Variants in FCSK observed in about 807,000 individuals in gnomAD.
FCSK encodes the protein L-fucose kinase.
In FCSK, 123 loss-of-function variants were observed where a neutral mutation model predicts 122.5. That is an observed-to-expected ratio of 1.00 (90% CI 0.87 to 1.17). The LOEUF is 1.17. Among genes scored for constraint, FCSK ranks in the 50% most tolerant of loss-of-function variants. The pLI is 0.00. For synonymous variants in FCSK, 620 were observed against 625.5 expected, an observed-to-expected ratio of 0.99 and a Z score of 0.13; for missense variants, 1,366 against 1,450.4, an observed-to-expected ratio of 0.94 and a Z score of 0.95.
In FCSK at chr16:70,474,967, G is replaced by A. The variant is rs766961706; in HGVS notation, c.2333G>A (p.Arg778Gln). 20 of 1,610,516 alleles carry A rather than the reference G, an allele frequency of 1.2e-5. No individual in the cohort carries two copies. In the South Asian group the frequency reaches 1.4e-4, roughly 12 times the overall value. Reference protein sequence around the residue: ...QDEMTVKIVCRCLADLRDYCQ... With the variant: ...QDEMTVKIVCQCLADLRDYCQ... ...GAGATGACTGTGAAGATAGTGTGCC[G>A]GTGCCTGGCTGACCTGCGGGACTAC... is the stretch of plus-strand genomic sequence containing the variant. The change falls in exon 18 of 24, where the codon CGG (arginine) becomes CAG (glutamine). Residue 778 changes from arginine to glutamine, a missense_variant. Coordinates refer to ENST00000288078, the MANE Select transcript of FCSK (RefSeq NM_145059.3).
chr16:70,466,881 G>C lies in FCSK; in HGVS notation c.412-1G>C. On this transcript the variant is annotated splice_acceptor_variant, in intron 5 of 23. Coordinates refer to ENST00000288078, the MANE Select transcript of FCSK (RefSeq NM_145059.3). LOFTEE classifies it high-confidence loss of function. Reference sequence around the variant, plus strand: ...TGTGTTCTGTCTCCTTCCCCCCACAGCTGGGCCCGGGCTCCCCGCCAGGCG... The same window carrying C: ...TGTGTTCTGTCTCCTTCCCCCCACACCTGGGCCCGGGCTCCCCGCCAGGCG... The C allele has an allele frequency of 6.2e-7, 1 of 1,613,132 alleles. No individual in the cohort carries two copies. Among genetic ancestry groups the C allele is most frequent in the South Asian group, 1.1e-5 (1 of 91,044 alleles).
At position 70,466,877 on chromosome 16, in the gene FCSK, C is replaced by G. The variant is rs79822893; in HGVS notation, c.412-5C>G. 39 of 1,612,806 alleles carry G rather than the reference C, an allele frequency of 2.4e-5. No homozygotes were observed. The highest frequency in any genetic ancestry group is 1.8e-4 in the East Asian group (8 of 44,876). On this transcript the variant is annotated splice_region_variant and splice_polypyrimidine_tract_variant and intron_variant, in intron 5 of 23. Coordinates refer to ENST00000288078, the MANE Select transcript of FCSK (RefSeq NM_145059.3). ...CAGCTGTGTTCTGTCTCCTTCCCCC[C>G]ACAGCTGGGCCCGGGCTCCCCGCCA...
At chr16:70,478,680 C>T in intron 22 of FCSK, 30 bp downstream of exon 22, 1 of 1,578,022 alleles carries the variant, frequency 6.3e-7, no homozygotes, top group Non-Finnish European at 8.7e-7. Flanking sequence ...GGGGTCAGGG[C>T]ACTGGGAGCG....
intron 1 of FCSK, among the ~76,000 whole-genome samples, chr16:70,455,504 C>CAA (rs1555565107): frequency 6.6e-6 from 1 of 150,930 alleles, no homozygotes; most frequent in African/African-American, 2.4e-5. Context: ...ACAAAACAAA[C>CAA]CAACAACAAC....
chr16:70,476,892 A>G (rs553641414), intron 20 of FCSK, among the ~76,000 whole-genome samples: 7 of 152,210 alleles, frequency 4.6e-5, no homozygotes, highest in Non-Finnish European at 1.0e-4. Context: ...CCAGGGATAA[A>G]ATGAGCAAAA....
intron 5 of FCSK, chr16:70,466,657 A>G: frequency 5.2e-6 from 3 of 573,162 alleles, no homozygotes; most frequent in Non-Finnish European, 9.3e-6. Flanking sequence ...CGATCGCACT[A>G]CTGCACTCCA....
chr16:70,473,669 C>T lies in FCSK; in HGVS notation c.1777+316C>T, dbSNP rs529386677. Among the ~76,000 whole-genome samples the T allele has an allele frequency of 3.3e-5, 5 of 152,246 alleles. No homozygotes were observed. The highest frequency in any genetic ancestry group is 7.2e-5 in the African/African-American group (3 of 41,546). ...GCCAGGATGTGGGTGCAGAGCGTGGCGAGGGGACAGAGCCCCCAGGGGACA... is the reference window on the plus strand; with the variant it reads ...GCCAGGATGTGGGTGCAGAGCGTGGTGAGGGGACAGAGCCCCCAGGGGACA... On this transcript the variant is annotated intron_variant, in intron 15 of 23. Transcript: ENST00000288078. This position sits in a 1 kb window ranked among gnomAD's most constrained non-coding sequence, Gnocchi z 4.9.
chr16:70,469,307 T>A lies in FCSK; in HGVS notation c.939T>A (p.Asp313Glu). ...CCCAGCTGTGGAGGGAGCTTCGCGA[T>A]CAGCCCCTTACCATGGGTGGGTACT... ...ARAQLWRELRDQPLTMAYVSS... is the reference protein window; with the variant it reads ...ARAQLWRELREQPLTMAYVSS... The change falls in exon 10 of 24, where the codon GAT becomes GAA. Residue 313 changes from aspartate (D) to glutamate (E), a missense_variant. Physicochemically the swap from Asp to Glu is conservative, Grantham distance 45. Coordinates refer to ENST00000288078, the MANE Select transcript of FCSK (RefSeq NM_145059.3). 1.2e-6 allele frequency: 2 copies of A among 1,603,436 alleles called. No individual in the cohort carries two copies. Among genetic ancestry groups the A allele is most frequent in the Non-Finnish European group, 1.7e-6 (2 of 1,176,346 alleles).
At chr16:70,456,677 G>A (rs1036177256) in intron 1 of FCSK, among the ~76,000 whole-genome samples, 1 of 152,204 alleles carries the variant, frequency 6.6e-6, no homozygotes, top group Non-Finnish European at 1.5e-5. Flanking sequence ...AGTCCTGGGA[G>A]GTTGATGTCT....
At chr16:70,457,746 G>A (rs2048132680) in intron 1 of FCSK, among the ~76,000 whole-genome samples, 1 of 149,538 alleles carries the variant, frequency 6.7e-6, no homozygotes. Flanking sequence ...GCTAATTTTT[G>A]TATGTGTGTG....
chr16:70,465,647 CA>C (rs2048394163), intron 4 of FCSK, among the ~76,000 whole-genome samples: 1 of 150,200 alleles, frequency 6.7e-6, no homozygotes, highest in South Asian at 2.1e-4. Context: ...GACCCTTTCT[CA>C]AAAAATAAAA....
intron 8 of FCSK, 129 bp downstream of exon 8, chr16:70,468,095 G>C: frequency 1.3e-6 from 1 of 742,418 alleles, no homozygotes; most frequent in Non-Finnish European, 2.3e-6. Flanking sequence ...GGACAGGGTA[G>C]CCTTGGAATT....
chr16:70,466,068 C>T (rs747894832), intron 4 of FCSK, 64 bp from the exon 5 acceptor site: 103 of 1,567,138 alleles, frequency 6.6e-5, no homozygotes, highest in Non-Finnish European at 8.5e-5. Context: ...TCTGCCTGCA[C>T]AGCTGATGAG....
Position 70,463,227 on chromosome 16 carries a change from A to G in FCSK, c.37A>G (p.Ile13Val). Residue 13 changes from isoleucine (I) to valine (V), a missense_variant, in exon 2 of 24, where the codon ATC (isoleucine) becomes GTC (valine). Coordinates refer to ENST00000288078, the MANE Select transcript of FCSK (RefSeq NM_145059.3). The stretch of plus-strand genomic sequence containing the variant: ...GAAGGGAGTTGATTGGACAGTCATC[A>G]TCCTGACCTGCCAGTACAAGGACAG... ...QPKGVDWTVI[I>V]LTCQYKDSVQ... 1 of 1,614,078 alleles carries G rather than the reference A, an allele frequency of 6.2e-7. No homozygotes were observed. Among genetic ancestry groups the G allele is most frequent in the South Asian group, 1.1e-5 (1 of 91,078 alleles).
intron 20 of FCSK, 188 bp from the exon 21 acceptor site, chr16:70,478,084 A>G (rs2151731946): frequency 5.0e-6 from 3 of 605,758 alleles, no homozygotes; most frequent in Middle Eastern, 4.4e-4. Context: ...GCTTTGCCCT[A>G]GAGTGAAGCC....
At chr16:70,457,332 G>A (rs1033152499) in intron 1 of FCSK, among the ~76,000 whole-genome samples, 6 of 152,014 alleles carry the variant, frequency 3.9e-5, no homozygotes, top group Admixed American at 2.0e-4. Flanking sequence ...TTGGCTCACT[G>A]CAGCCTCCGT....
intron 22 of FCSK, 80 bp from the exon 23 acceptor site, chr16:70,479,100 G>T (rs113077884): frequency 9.0e-7 from 1 of 1,107,054 alleles, no homozygotes; most frequent in Non-Finnish European, 1.3e-6. Flanking sequence ...TCAGCAGCAC[G>T]TCTTGGCACT....
intron 22 of FCSK, 31 bp from the exon 23 acceptor site, chr16:70,479,149 A>C: frequency 6.5e-7 from 1 of 1,541,068 alleles, no homozygotes; most frequent in Non-Finnish European, 8.9e-7. Flanking sequence ...ATCTTGGCCC[A>C]GGCACGTCAC....
chr16:70,474,070 G>C, intron 15 of FCSK, 59 bp from the exon 16 acceptor site: 1 of 1,487,718 alleles, frequency 6.7e-7, no homozygotes, highest in Non-Finnish European at 9.1e-7. Flanking sequence ...AGCCTCTCGT[G>C]AAAGAGGATT....
Sources: gnomAD v4.1 joint callset for allele counts (sites outside exome capture counted in the v4.1 genomes callset) on GRCh38, gnomAD v4.1.1 for gene constraint, Gnocchi (gnomAD v3.1) non-coding constraint, MANE v1.5 for transcripts, NCBI Gene and HGNC (gene_info 2026-07-23, HGNC 2026-07-21) for gene names.